Variants in RBFOX3 observed in about 807,000 individuals in gnomAD.
The protein encoded by RBFOX3 is RNA binding protein fox-1 homolog 3.
In RBFOX3, 17 loss-of-function variants were observed where a neutral mutation model predicts 48.7. The observed-to-expected ratio is 0.35, with a 90% CI of 0.24 to 0.52. The LOEUF is 0.52. RBFOX3 is among the 20% of genes least tolerant of loss of function. The pLI, the probability that RBFOX3 is intolerant of heterozygous loss-of-function variation, is 0.94. For missense variants in RBFOX3, 382 were observed against 497.5 expected, an observed-to-expected ratio of 0.77 and a Z score of 2.21; for synonymous variants, 212 against 209.5, an observed-to-expected ratio of 1.01 and a Z score of -0.10.
chr17:79,380,931 C>T (rs746080326), intron 2 of RBFOX3, among the ~76,000 whole-genome samples: 7 of 152,170 alleles, frequency 4.6e-5, no homozygotes, highest in Non-Finnish European at 5.9e-5. Context: ...AAGGGAGCCA[C>T]ACATATAATT....
chr17:79,277,559 C>T (rs187480977), intron 3 of RBFOX3, among the ~76,000 whole-genome samples: 132 of 152,352 alleles, frequency 8.7e-4, no homozygotes, highest in African/African-American at 2.9e-3. Context: ...ACAGCCGACG[C>T]GGTATGTTTG....
intron 4 of RBFOX3, among the ~76,000 whole-genome samples, chr17:79,185,986 C>T (rs992719740): frequency 7.2e-5 from 11 of 152,176 alleles, no homozygotes; most frequent in African/African-American, 2.7e-4. Context: ...AGGGAGAGCT[C>T]AGATCTGGGG....
At chr17:79,547,880 T>A (rs1488500573) in intron 1 of RBFOX3, among the ~76,000 whole-genome samples, 1 of 152,164 alleles carries the variant, frequency 6.6e-6, no homozygotes, top group African/African-American at 2.4e-5. Flanking sequence ...GGCACCCCAG[T>A]GAAGGACTCG....
chr17:79,472,329 C>T (rs2077154929), intron 2 of RBFOX3, among the ~76,000 whole-genome samples: 1 of 152,142 alleles, frequency 6.6e-6, no homozygotes, highest in African/African-American at 2.4e-5. Context: ...CAGAAAATTC[C>T]CGTGCACCCT....
intron 9 of RBFOX3, chr17:79,098,338 C>G (rs146129323): frequency 6.5e-6 from 1 of 153,632 alleles, no homozygotes; most frequent in Non-Finnish European, 1.5e-5. Context: ...GGGAGCAGGT[C>G]GAGGAGGAAA....
chr17:79,614,376 G>A (rs1333326355), upstream of RBFOX3, among the ~76,000 whole-genome samples: 1 of 152,206 alleles, frequency 6.6e-6, no homozygotes, highest in Non-Finnish European at 1.5e-5. Context: ...AATCTCCTCT[G>A]GGGAATCTCA....
intron 1 of RBFOX3, among the ~76,000 whole-genome samples, chr17:79,513,920 T>G (rs1424163774): frequency 6.6e-6 from 1 of 152,136 alleles, no homozygotes; most frequent in East Asian, 1.9e-4. Context: ...CTGCTTCCCC[T>G]AGTCTAACTT....
chr17:79,258,648 G>A (rs1010548938), intron 3 of RBFOX3, among the ~76,000 whole-genome samples: 3 of 152,174 alleles, frequency 2.0e-5, no homozygotes, highest in Non-Finnish European at 2.9e-5. Flanking sequence ...GGAACGTGGC[G>A]AAGTTCTTCT....
chr17:79,576,338 AGAGATGATG>A lies in RBFOX3; in HGVS notation c.-320+34479_-320+34487del, dbSNP rs1470215313. ...TGAAGAAGATGAAGATGGAGATCAC[AGAGATGATG>A]GAGATGATGGAGAAGCTGGAGATCA... On this transcript the variant is annotated intron_variant, in intron 1 of 14. Coordinates refer to ENST00000693108, the MANE Select transcript of RBFOX3 (RefSeq NM_001350451.2). Among the ~76,000 whole-genome samples the A allele has an allele frequency of 8.6e-4, 131 of 152,218 alleles. 4 individuals are homozygous for A. In the South Asian group the frequency reaches 0.019, roughly 22 times the overall value.
intron 2 of RBFOX3, among the ~76,000 whole-genome samples, chr17:79,376,614 A>G (rs2059251662): frequency 6.6e-6 from 1 of 152,170 alleles, no homozygotes; most frequent in South Asian, 2.1e-4. Context: ...GGCCCAGCCC[A>G]CTGCGTGTTT....
chr17:79,556,480 CTTACAG>C (rs2091769070), intron 1 of RBFOX3, among the ~76,000 whole-genome samples: 1 of 152,124 alleles, frequency 6.6e-6, no homozygotes, highest in South Asian at 2.1e-4. Flanking sequence ...CACAGGAAGG[CTTACAG>C]GGAGCTGTTG....
chr17:79,449,622 A>AACACACACACACACACAC (rs57480439), intron 2 of RBFOX3, among the ~76,000 whole-genome samples: 8,156 of 144,474 alleles, frequency 0.056, 334 homozygotes, highest in African/African-American at 0.098. Context: ...TGCACACATA[A>AACACACACACACACACAC]ACACACACAC....
chr17:79,416,057 G>A (rs1366315279), intron 2 of RBFOX3, among the ~76,000 whole-genome samples: 11 of 152,148 alleles, frequency 7.2e-5, no homozygotes, highest in East Asian at 1.9e-4. Context: ...TCTTCCTCTC[G>A]CCTGCACTCC....
intron 5 of RBFOX3, among the ~76,000 whole-genome samples, chr17:79,110,023 C>T (rs2030312229): frequency 6.6e-6 from 1 of 151,902 alleles, no homozygotes. Flanking sequence ...CATGACTGCA[C>T]ACGGACTGCC....
At chr17:79,436,898 CT>C (rs1447389226) in intron 2 of RBFOX3, among the ~76,000 whole-genome samples, 4 of 152,138 alleles carry the variant, frequency 2.6e-5, no homozygotes, top group Admixed American at 2.6e-4. Context: ...CACTTGGCCC[CT>C]GGTGATGCTT....
chr17:79,663,182 T>C, the RBFOX3 span, among the ~76,000 whole-genome samples: 1 of 152,324 alleles, frequency 6.6e-6, no homozygotes, highest in South Asian at 2.1e-4. Context: ...GGTGAAAGAT[T>C]ATGGCTTAGG....
At chr17:79,379,071 C>T (rs868585312) in intron 2 of RBFOX3, among the ~76,000 whole-genome samples, 2 of 152,176 alleles carry the variant, frequency 1.3e-5, no homozygotes, top group Admixed American at 6.5e-5. Flanking sequence ...GTCACAGGGG[C>T]GATGTCCATC....
intron 3 of RBFOX3, among the ~76,000 whole-genome samples, chr17:79,266,082 C>T (rs2066653436): frequency 6.6e-6 from 1 of 152,240 alleles, no homozygotes; most frequent in Non-Finnish European, 1.5e-5. Flanking sequence ...TCCAGCCTTC[C>T]CGCCCCTCTC....
intron 3 of RBFOX3, among the ~76,000 whole-genome samples, chr17:79,244,235 G>C (rs2062809443): frequency 6.6e-6 from 1 of 152,188 alleles, no homozygotes; most frequent in Non-Finnish European, 1.5e-5. Context: ...CATTGGGTGA[G>C]GGTGTGTGAG....
Sources: allele counts gnomAD v4.1 joint callset (sites outside exome capture counted in the v4.1 genomes callset), GRCh38; gene constraint gnomAD v4.1.1; transcripts MANE v1.5; gene names NCBI Gene and HGNC (gene_info 2026-07-23, HGNC 2026-07-21).